Variants in SCMH1 observed in about 807,000 individuals in gnomAD.
SCMH1 encodes polycomb protein SCMH1.
In SCMH1, 37 loss-of-function variants were observed where a neutral mutation model predicts 70.8. The ratio of observed to expected loss-of-function variants is 0.52; its 90% CI spans 0.40 to 0.69. The LOEUF (loss-of-function observed/expected upper bound fraction) is 0.69. SCMH1 is among the 30% of genes least tolerant of loss of function. The pLI is 0.00. For synonymous variants in SCMH1, 292 were observed against 307.4 expected (o/e 0.95, Z 0.52); for missense variants, 607 against 827.3 (o/e 0.73, Z 3.27).
chr1:41,105,886 T>C (rs998056807), intron 8 of SCMH1, among the ~76,000 whole-genome samples: 4 of 151,934 alleles, frequency 2.6e-5, no homozygotes, highest in African/African-American at 9.7e-5. Context: ...AGTTTTTTTT[T>C]TTTTTTGAGA....
chr1:41,094,110 A>G (rs1316799861), intron 8 of SCMH1, among the ~76,000 whole-genome samples: 1 of 152,206 alleles, frequency 6.6e-6, no homozygotes, highest in Non-Finnish European at 1.5e-5. Context: ...TGCACTAGTC[A>G]TACTTCTCAT....
chr1:41,223,188 A>G (rs1157389428), intron 1 of SCMH1, among the ~76,000 whole-genome samples: 2 of 152,176 alleles, frequency 1.3e-5, no homozygotes, highest in African/African-American at 4.8e-5. Flanking sequence ...GATTGTATAG[A>G]GATGTGTTAC....
intron 1 of SCMH1, among the ~76,000 whole-genome samples, chr1:41,189,531 T>C (rs555566877): frequency 5.3e-5 from 8 of 152,264 alleles, no homozygotes; most frequent in South Asian, 2.1e-4. Flanking sequence ...GAGATAACTA[T>C]GATGAGATGC....
intron 6 of SCMH1, among the ~76,000 whole-genome samples, chr1:41,133,213 C>T (rs922207022): frequency 2.0e-5 from 3 of 152,106 alleles, no homozygotes; most frequent in Non-Finnish European, 4.4e-5. Flanking sequence ...CCTTTTATTT[C>T]GTTGAGCAGT....
rs558959302 is a variant in SCMH1 at position 41,224,195 on chromosome 1, AATC to A, written c.-118+17861_-118+17863del. Among the ~76,000 whole-genome samples the A allele has an allele frequency of 1.8e-4, 27 of 152,288 alleles. No homozygotes were observed. In the East Asian group the frequency reaches 3.1e-3, roughly 17 times the overall value. On this transcript the variant is annotated intron_variant, in intron 1 of 14. Transcript: ENST00000337495. ...AAGCTTTCCTCATACTCTCAGACAA[AATC>A]ATTATCTCTTCCATGAAGTGTATAC...
At chr1:41,111,575 AG>A (rs1347517044) in intron 8 of SCMH1, among the ~76,000 whole-genome samples, 2 of 152,180 alleles carry the variant, frequency 1.3e-5, no homozygotes, top group African/African-American at 4.8e-5. Flanking sequence ...TCCTGAGCTC[AG>A]GTGATCTGCC....
intron 5 of SCMH1, among the ~76,000 whole-genome samples, chr1:41,146,881 A>G (rs948438421): frequency 7.2e-5 from 11 of 152,078 alleles, no homozygotes; most frequent in Non-Finnish European, 1.3e-4. Context: ...TAATTTTGAC[A>G]AAGTCCACTC....
intron 2 of SCMH1, among the ~76,000 whole-genome samples, chr1:41,164,510 G>A (rs1646283391): frequency 6.6e-6 from 1 of 152,156 alleles, no homozygotes; most frequent in Admixed American, 6.5e-5. Context: ...CACGACGGTA[G>A]AGACTTGATC....
chr1:41,202,186 C>A (rs574280061), intron 1 of SCMH1, among the ~76,000 whole-genome samples: 2 of 152,178 alleles, frequency 1.3e-5, no homozygotes, highest in African/African-American at 4.8e-5. Context: ...CAGGTGCCCA[C>A]GACCACGCCC....
intron 6 of SCMH1, among the ~76,000 whole-genome samples, chr1:41,142,186 G>A (rs535447172): frequency 1.3e-5 from 2 of 152,096 alleles, no homozygotes; most frequent in South Asian, 2.1e-4. Flanking sequence ...CATGATACAT[G>A]CTCTCTAATT....
chr1:41,197,714 G>A (rs980835046), intron 1 of SCMH1, among the ~76,000 whole-genome samples: 5 of 152,012 alleles, frequency 3.3e-5, no homozygotes, highest in Non-Finnish European at 7.4e-5. Flanking sequence ...ACAGGCAACA[G>A]GTGGATGTGC....
intron 13 of SCMH1, among the ~76,000 whole-genome samples, chr1:41,031,732 G>A (rs1644552989): frequency 6.6e-6 from 1 of 152,326 alleles, no homozygotes; most frequent in Middle Eastern, 3.4e-3. Context: ...AAGATATGGG[G>A]AGAGAGTGTA....
At chr1:41,172,194 A>C (rs1160131229) in intron 2 of SCMH1, among the ~76,000 whole-genome samples, 4 of 151,940 alleles carry the variant, frequency 2.6e-5, no homozygotes, top group Non-Finnish European at 5.9e-5. Context: ...CAAAAAAAAA[A>C]AAAAAAACGC....
intron 10 of SCMH1, among the ~76,000 whole-genome samples, chr1:41,059,596 C>T (rs1461420292): frequency 6.6e-6 from 1 of 152,200 alleles, no homozygotes; most frequent in Non-Finnish European, 1.5e-5. Context: ...CTGTGTGTGA[C>T]CTGATTCTTC....
chr1:41,055,711 C>T (rs894604415), intron 10 of SCMH1, among the ~76,000 whole-genome samples: 1 of 152,180 alleles, frequency 6.6e-6, no homozygotes, highest in Non-Finnish European at 1.5e-5. Context: ...ATAAATGTTA[C>T]CTCGTGTCTG....
intron 6 of SCMH1, among the ~76,000 whole-genome samples, chr1:41,127,432 G>A (rs1038672383): frequency 6.6e-6 from 1 of 152,066 alleles, no homozygotes; most frequent in African/African-American, 2.4e-5. Context: ...AAAGGAATTT[G>A]TGTTTTCCTA....
exon 12 of SCMH1, chr1:41,046,418 C>G: frequency 6.2e-7 from 1 of 1,614,076 alleles, no homozygotes; most frequent in Non-Finnish European, 8.5e-7. Flanking sequence ...TGGTAGGTAC[C>G]TGTCGTGGCT....
chr1:41,071,086 T>C (rs920908331), intron 9 of SCMH1, among the ~76,000 whole-genome samples: 2 of 152,160 alleles, frequency 1.3e-5, no homozygotes, highest in Non-Finnish European at 2.9e-5. Flanking sequence ...TATTTCTCTC[T>C]TTAAAAATGG....
chr1:41,167,666 T>C (rs141504764), intron 2 of SCMH1, among the ~76,000 whole-genome samples: 45 of 152,304 alleles, frequency 3.0e-4, no homozygotes, highest in East Asian at 7.7e-4. Context: ...TAACTGTTCA[T>C]AGTAGTCTTT....
Sources: allele counts gnomAD v4.1 joint callset (sites outside exome capture counted in the v4.1 genomes callset), GRCh38; gene constraint gnomAD v4.1.1; transcripts MANE v1.5; gene names NCBI Gene and HGNC (gene_info 2026-07-23, HGNC 2026-07-21).